NIM1K: variants seen among roughly 807,000 people sequenced by gnomAD.
NIM1K encodes the protein serine/threonine-protein kinase NIM1.
A neutral mutation model predicts 37.1 loss-of-function variants in NIM1K; 35 were observed. The ratio of observed to expected loss-of-function variants is 0.94; its 90% CI spans 0.72 to 1.25. The LOEUF (loss-of-function observed/expected upper bound fraction) is 1.25, where lower values mean the gene tolerates loss of function less well. NIM1K is among the 50% of genes most tolerant of loss of function. The pLI, the probability that NIM1K is intolerant of heterozygous loss-of-function variation, is 0.00. For synonymous variants in NIM1K, 234 were observed against 206.6 expected, an observed-to-expected ratio of 1.13 and a Z score of -1.14; for missense variants, 564 against 548.0, an observed-to-expected ratio of 1.03 and a Z score of -0.29.
chr5:43,266,885 T>C (rs1753170843), intron 2 of NIM1K, among the ~76,000 whole-genome samples: 1 of 152,240 alleles, frequency 6.6e-6, no homozygotes, highest in Non-Finnish European at 1.5e-5. Context: ...GCATCTATGT[T>C]CATCAGGAAT....
At chr5:43,218,931 C>A (rs1000905033) in intron 1 of NIM1K, among the ~76,000 whole-genome samples, 1 of 151,980 alleles carries the variant, frequency 6.6e-6, no homozygotes, top group Non-Finnish European at 1.5e-5. Context: ...TTTCCATAAT[C>A]CCCATGTGTC....
At chr5:43,261,452 G>T (rs189954215) in intron 2 of NIM1K, among the ~76,000 whole-genome samples, 1 of 152,282 alleles carries the variant, frequency 6.6e-6, no homozygotes, top group East Asian at 1.9e-4. Flanking sequence ...TTTTGATGCG[G>T]TTGCTTGTTT....
At chr5:43,275,308 C>G (rs1248522333) in intron 2 of NIM1K, among the ~76,000 whole-genome samples, 1 of 152,090 alleles carries the variant, frequency 6.6e-6, no homozygotes, top group Non-Finnish European at 1.5e-5. Flanking sequence ...AAAATTAGAC[C>G]TACCACACTC....
At chr5:43,232,561 A>G (rs1752555451) in intron 1 of NIM1K, 1 of 1,579,208 alleles carries the variant, frequency 6.3e-7, no homozygotes, top group Non-Finnish European at 8.6e-7. Flanking sequence ...CTCATTGTCT[A>G]CCATGAAGAC....
At chr5:43,210,454 G>T (rs1688109209) in intron 1 of NIM1K, among the ~76,000 whole-genome samples, 1 of 152,092 alleles carries the variant, frequency 6.6e-6, no homozygotes, top group African/African-American at 2.4e-5. Context: ...CTGCCCTCAG[G>T]TGAAGAGAGA....
At chr5:43,274,576 G>A (rs1350353699) in intron 2 of NIM1K, among the ~76,000 whole-genome samples, 2 of 152,192 alleles carry the variant, frequency 1.3e-5, no homozygotes, top group Non-Finnish European at 2.9e-5. Context: ...AAAGAAAGGG[G>A]AAGAAGAGTG....
intron 1 of NIM1K, among the ~76,000 whole-genome samples, chr5:43,198,685 G>A (rs567905099): frequency 6.6e-6 from 1 of 152,324 alleles, no homozygotes. Context: ...CACAGCTCCT[G>A]CTCATGAGAC....
At chr5:43,219,938 G>C (rs1023835780) in intron 1 of NIM1K, among the ~76,000 whole-genome samples, 1 of 152,024 alleles carries the variant, frequency 6.6e-6, no homozygotes, top group African/African-American at 2.4e-5. Context: ...TGTTGGCCAG[G>C]CTGGTCTTGA....
intron 1 of NIM1K, among the ~76,000 whole-genome samples, chr5:43,228,785 C>T (rs1419771772): frequency 6.6e-6 from 1 of 152,004 alleles, no homozygotes; most frequent in African/African-American, 2.4e-5. Context: ...GAACTGAGAT[C>T]GTTCCACTGT....
chr5:43,207,347 C>G, intron 1 of NIM1K: 1 of 777,194 alleles, frequency 1.3e-6, no homozygotes, highest in South Asian at 1.3e-5. Flanking sequence ...TATGGTAGAG[C>G]TTGACCAAAT....
At chr5:43,262,678 C>T (rs1753051045) in intron 2 of NIM1K, among the ~76,000 whole-genome samples, 1 of 152,050 alleles carries the variant, frequency 6.6e-6, no homozygotes, top group Non-Finnish European at 1.5e-5. Flanking sequence ...GCATCCCTGT[C>T]TTGTGTCAGT....
chr5:43,256,802 T>C (rs1236029736), intron 2 of NIM1K, among the ~76,000 whole-genome samples: 4 of 152,190 alleles, frequency 2.6e-5, no homozygotes, highest in African/African-American at 7.2e-5. Context: ...AATAATGAAA[T>C]TCAGGCATAA....
chr5:43,206,671 A>G, intron 1 of NIM1K: 1 of 689,678 alleles, frequency 1.4e-6, no homozygotes, highest in South Asian at 1.5e-5. Flanking sequence ...CAGTCTCCCA[A>G]GGCCACTCCC....
At chr5:43,274,344 C>A (rs1159988901) in intron 2 of NIM1K, among the ~76,000 whole-genome samples, 1 of 152,122 alleles carries the variant, frequency 6.6e-6, no homozygotes, top group Non-Finnish European at 1.5e-5. Context: ...ATGATGGCCA[C>A]AGGGAGGATG....
chr5:43,207,815 T>G (rs1209801438), intron 1 of NIM1K: 1 of 385,904 alleles, frequency 2.6e-6, no homozygotes, highest in Admixed American at 3.2e-5. Context: ...ACCTTAAAGA[T>G]GAATAGCCCC....
chr5:43,221,597 G>A (rs1752382318), intron 1 of NIM1K, among the ~76,000 whole-genome samples: 1 of 152,182 alleles, frequency 6.6e-6, no homozygotes, highest in Admixed American at 6.5e-5. Flanking sequence ...AGGCTCCAGG[G>A]CAGCTGTGTG....
intron 2 of NIM1K, among the ~76,000 whole-genome samples, chr5:43,272,333 T>C (rs887598260): frequency 1.3e-5 from 2 of 151,222 alleles, no homozygotes; most frequent in Non-Finnish European, 2.9e-5. Context: ...AGACCAGGAG[T>C]ACATCCCCCT....
In NIM1K at chr5:43,246,058, C is replaced by G. The variant is rs13177229; in HGVS notation, c.283C>G (p.Leu95Val). ...FSQVKLGIHSLTKEKVAIKIL... is the reference protein window; with the variant it reads ...FSQVKLGIHSVTKEKVAIKIL... ...CCAAGTGAAGCTTGGGATTCACTCC[C>G]TAACCAAAGGTAGGATCCGACTTCC... Residue 95 changes from leucine to valine, a missense_variant, in exon 2 of 4, where the codon CTA becomes GTA. By Grantham distance (32) the Leu-to-Val change is conservative (BLOSUM62 1). Transcript: ENST00000326035. 6.2e-7 allele frequency: 1 copy of G among 1,610,176 alleles called. No homozygotes were observed. Among genetic ancestry groups the G allele is most frequent in the Non-Finnish European group, 8.5e-7 (1 of 1,177,674 alleles).
intron 2 of NIM1K, among the ~76,000 whole-genome samples, chr5:43,271,602 C>T (rs752976900): frequency 2.6e-5 from 4 of 152,192 alleles, no homozygotes; most frequent in Non-Finnish European, 4.4e-5. Context: ...CACAAACTTG[C>T]ATCTTGCAAA....
Sources: gnomAD v4.1 joint callset for allele counts (sites outside exome capture counted in the v4.1 genomes callset) on GRCh38, gnomAD v4.1.1 for gene constraint, MANE v1.5 for transcripts, NCBI Gene and HGNC (gene_info 2026-07-23, HGNC 2026-07-21) for gene names.